The following CYFIP2 variants were observed in gnomAD, a reference collection of about 807,000 sequenced individuals.
The protein encoded by CYFIP2 is cytoplasmic FMR1-interacting protein 2.
CYFIP2 carries 29 observed loss-of-function variants against 158.7 expected under a neutral mutation model. The observed-to-expected ratio is 0.18, with a 90% confidence interval of 0.14 to 0.25. The LOEUF (loss-of-function observed/expected upper bound fraction) is 0.25, where lower values mean the gene tolerates loss of function less well. Among genes scored for constraint, CYFIP2 ranks in the 10% least tolerant of loss-of-function variants. The pLI, the probability that CYFIP2 is intolerant of heterozygous loss-of-function variation, is 1.00. For missense variants in CYFIP2, 852 were observed against 1,639.5 expected, an observed-to-expected ratio of 0.52 and a Z score of 8.29; for synonymous variants, 585 against 617.6, an observed-to-expected ratio of 0.95 and a Z score of 0.78.
At chr5:157,326,123 T>A in intron 17 of CYFIP2, 48 bp from the exon 18 acceptor site, 1 of 1,390,902 alleles carries the variant, frequency 7.2e-7, no homozygotes, top group Non-Finnish European at 1.0e-6. Context: ...GCTGTCTTCC[T>A]TAAGGGGGGT....
chr5:157,275,974 T>G (rs1756512008), intron 1 of CYFIP2, among the ~76,000 whole-genome samples: 1 of 152,232 alleles, frequency 6.6e-6, no homozygotes, highest in Admixed American at 6.5e-5. Context: ...ATAGAGATAC[T>G]ACTGATTTTT....
At chr5:157,378,387 C>T (rs1323948795) in intron 26 of CYFIP2, among the ~76,000 whole-genome samples, 1 of 152,116 alleles carries the variant, frequency 6.6e-6, no homozygotes. Context: ...ACCAAAAACC[C>T]AATAAGTCAA....
At chr5:157,299,721 T>C (rs747375565) in intron 5 of CYFIP2, among the ~76,000 whole-genome samples, 1 of 152,034 alleles carries the variant, frequency 6.6e-6, no homozygotes, top group Non-Finnish European at 1.5e-5. Context: ...GCCAACATGG[T>C]GAAACCCAGT....
intron 6 of CYFIP2, 90 bp from the exon 7 acceptor site, chr5:157,302,704 G>A (rs1581012367): frequency 4.4e-6 from 4 of 913,342 alleles, no homozygotes; most frequent in Admixed American, 2.5e-5. Flanking sequence ...ATGTCACTCT[G>A]TGTTAGGTGG....
At chr5:157,376,068 C>T (rs2113470894) in intron 26 of CYFIP2, 1 of 152,230 alleles carries the variant, frequency 6.6e-6, no homozygotes, top group South Asian at 2.1e-4. Context: ...ATTTCATCCT[C>T]CTCCTGAATG....
intron 3 of CYFIP2, among the ~76,000 whole-genome samples, chr5:157,290,684 G>C (rs1757750627): frequency 6.6e-6 from 1 of 152,196 alleles, no homozygotes. Flanking sequence ...AGTCATGAGT[G>C]GCATGCAATG....
Position 157,360,381 on chromosome 5 carries a change from T to C in CYFIP2, c.2908+9T>C, listed in dbSNP as rs779522557. The C allele has an allele frequency of 1.9e-6, 3 of 1,611,876 alleles. No individual in the cohort carries two copies. Among genetic ancestry groups the C allele is most frequent in the East Asian group, 2.2e-5 (1 of 44,828 alleles). ...TGAGTATGGCTCCCCAGGTTGGTGA[T>C]AGCAAAACAATCCAGACCCCTCCCA... On this transcript the variant is annotated intron_variant, in intron 25 of 30. Transcript: ENST00000620254.
intron 26 of CYFIP2, among the ~76,000 whole-genome samples, chr5:157,377,554 T>G (rs1031793353): frequency 2.6e-5 from 4 of 152,252 alleles, no homozygotes; most frequent in African/African-American, 9.6e-5. Context: ...ATTCTAGTTT[T>G]GACTTATTTT....
In CYFIP2 at chr5:157,326,237, G is replaced by A. The variant is rs535227356; in HGVS notation, c.2049G>A (p.Lys683=). 2 of 1,613,876 alleles carry A rather than the reference G, an allele frequency of 1.2e-6. No homozygotes were observed. Among genetic ancestry groups the A allele is most frequent in the South Asian group, 1.1e-5 (1 of 91,084 alleles). Residue 683 remains lysine (K), a synonymous_variant, in exon 18 of 31, where the codon AAG becomes AAA. Coordinates refer to ENST00000620254, the MANE Select transcript of CYFIP2 (RefSeq NM_001037333.3). ...SAYYALTKFK[K]QFLYDEIEAE... is the part of the protein sequence containing the mutation. Reference sequence around the variant, plus strand: ...ACTATGCTCTGACCAAGTTTAAAAAGCAGTTCCTGTACGATGAGATAGAAG... The same window carrying A: ...ACTATGCTCTGACCAAGTTTAAAAAACAGTTCCTGTACGATGAGATAGAAG...
rs149852950 is a variant in CYFIP2 at position 157,356,262 on chromosome 5, A to G, written c.2674-2743A>G. 4.3e-3 allele frequency among the ~76,000 whole-genome samples: 654 copies of G among 152,148 alleles called. 2 individuals carry two copies. Among genetic ancestry groups the G allele is most frequent in the African/African-American group, 0.015 (615 of 41,510 alleles). On this transcript the variant is annotated intron_variant, in intron 23 of 30. Transcript: ENST00000620254. Reference sequence around the variant, plus strand: ...TGTAGGCTCCCATGGCATAGAGGAGAGAGAGACAGCAAGCACTCTTGTCTT... The same window carrying G: ...TGTAGGCTCCCATGGCATAGAGGAGGGAGAGACAGCAAGCACTCTTGTCTT...
intron 1 of CYFIP2, among the ~76,000 whole-genome samples, chr5:157,268,734 T>G (rs1755831340): frequency 6.6e-6 from 1 of 152,208 alleles, no homozygotes; most frequent in South Asian, 2.1e-4. Context: ...TATTCACTTG[T>G]AATTGACAAA....
rs555235182 is a variant in CYFIP2 at position 157,333,462 on chromosome 5, C to A, written c.2385+16C>A. Reference sequence around the variant, plus strand: ...CTCCATTGTGGTAAGAGTCTGGGAGCGTGTGGGATTTCTGCTCTGTGATTT... The same window carrying A: ...CTCCATTGTGGTAAGAGTCTGGGAGAGTGTGGGATTTCTGCTCTGTGATTT... On this transcript the variant is annotated intron_variant, in intron 21 of 30. Transcript: ENST00000620254. The A allele has an allele frequency of 6.2e-7, 1 of 1,613,786 alleles. No individual in the cohort carries two copies. Among genetic ancestry groups the A allele is most frequent in the East Asian group, 2.2e-5 (1 of 44,882 alleles).
chr5:157,320,881 G>A, intron 15 of CYFIP2, 79 bp downstream of exon 15: 3 of 1,436,954 alleles, frequency 2.1e-6, no homozygotes, highest in Non-Finnish European at 2.7e-6. Context: ...GGCTGGCCAT[G>A]GGCAGTGGGA....
At chr5:157,268,053 G>A (rs1391734234) in intron 1 of CYFIP2, among the ~76,000 whole-genome samples, 1 of 152,264 alleles carries the variant, frequency 6.6e-6, no homozygotes, top group Admixed American at 6.5e-5. Context: ...TGTACACAGG[G>A]TTCCTCGTTG....
rs1041749965 is a variant in CYFIP2, at chr5:157,361,402, A to T, written c.2909-66A>T. Reference sequence around the variant, plus strand: ...TCAGGTCTGGGGCTGCCACTCAGTCATTGTTTCCCATAGACCCTACTGAGC... The same window carrying T: ...TCAGGTCTGGGGCTGCCACTCAGTCTTTGTTTCCCATAGACCCTACTGAGC... On this transcript the variant is annotated intron_variant, in intron 25 of 30. Coordinates refer to ENST00000620254, the MANE Select transcript of CYFIP2 (RefSeq NM_001037333.3). This position sits in a 1 kb window ranked among gnomAD's most constrained non-coding sequence, Gnocchi z 4.4. 1.9e-6 allele frequency: 3 copies of T among 1,607,438 alleles called. No individual in the cohort carries two copies. Among genetic ancestry groups the T allele is most frequent in the Admixed American group, 3.3e-5 (2 of 59,784 alleles).
At chr5:157,320,033 G>A in intron 14 of CYFIP2, 105 bp downstream of exon 14, 2 of 1,414,816 alleles carry the variant, frequency 1.4e-6, no homozygotes, top group South Asian at 1.3e-5. Context: ...GGTCCTTCCA[G>A]CAAGCTCCAG....
intron 28 of CYFIP2, among the ~76,000 whole-genome samples, chr5:157,385,198 A>G (rs1379620763): frequency 6.6e-6 from 1 of 152,190 alleles, no homozygotes; most frequent in East Asian, 1.9e-4. Flanking sequence ...TTCCACTTAG[A>G]GGACTGTGAA....
At chr5:157,339,342 T>C in intron 22 of CYFIP2, 86 bp downstream of exon 22, 7 of 1,240,210 alleles carry the variant, frequency 5.6e-6, no homozygotes, top group Non-Finnish European at 8.1e-6. Context: ...AGTACATGTG[T>C]GAGTGGTTCC....
rs779733350 is a variant in CYFIP2 at position 157,307,758 on chromosome 5, T to C, written c.796-3T>C. On this transcript the variant is annotated splice_region_variant and splice_polypyrimidine_tract_variant and intron_variant, in intron 8 of 30. Transcript: ENST00000620254. ...TCTATGCTCTGCCCTCTTCTCATTC[T>C]AGGTGATGGGCTTTGGCCTCTACCT... The C allele has an allele frequency of 6.3e-7, 1 of 1,593,882 alleles. No homozygotes were observed. Among genetic ancestry groups the C allele is most frequent in the Non-Finnish European group, 8.6e-7 (1 of 1,164,016 alleles).
Sources: gnomAD v4.1 joint callset for allele counts (sites outside exome capture counted in the v4.1 genomes callset) on GRCh38, gnomAD v4.1.1 for gene constraint, Gnocchi (gnomAD v3.1) non-coding constraint, MANE v1.5 for transcripts, NCBI Gene and HGNC (gene_info 2026-07-23, HGNC 2026-07-21) for gene names.